The following STAT5B variants were observed in gnomAD, a reference collection of about 807,000 sequenced individuals.
STAT5B encodes the protein signal transducer and activator of transcription 5B, also known as transcription factor STAT5B.
In STAT5B, 21 loss-of-function variants were observed where a neutral mutation model predicts 107.8. That is an observed-to-expected ratio of 0.19 (90% CI 0.14 to 0.28). STAT5B has a LOEUF of 0.28. STAT5B is among the 10% of genes least tolerant of loss of function. The pLI is 1.00. For missense variants in STAT5B, 565 were observed against 1,008.2 expected, an observed-to-expected ratio of 0.56 and a Z score of 5.95; for synonymous variants, 325 against 401.7, an observed-to-expected ratio of 0.81 and a Z score of 2.28.
chr17:42,239,885 G>A (rs1191032450), intron 1 of STAT5B, among the ~76,000 whole-genome samples: 2 of 152,212 alleles, frequency 1.3e-5, no homozygotes, highest in African/African-American at 2.4e-5. Flanking sequence ...CAGCACTTTG[G>A]GACGCTGAGG....
chr17:42,208,493 AAAATAAATAAATAAAT>A (rs777760506), intron 15 of STAT5B, among the ~76,000 whole-genome samples: 1 of 151,568 alleles, frequency 6.6e-6, no homozygotes, highest in Non-Finnish European at 1.5e-5. Flanking sequence ...CCCCATCTCA[AAAATAAATAAATAAAT>A]AAATAAATAA....
chr17:42,218,300 C>T lies in STAT5B; in HGVS notation c.1020G>A (p.Gln340=), dbSNP rs1273693154. Residue 340 remains glutamine, a synonymous_variant, in exon 9 of 19, where the codon CAG becomes CAA. Transcript: ENST00000293328. The part of the protein sequence containing the change: ...STFIIEKQPP[Q]VLKTQTKFAA... ...CAAACTTGGTCTGGGTCTTCAGGAC[C>T]TGAGGAGGCTGCTTCTCAATGATGA... 2 of 1,613,816 alleles carry T rather than the reference C, an allele frequency of 1.2e-6. No homozygotes were observed. The highest frequency in any genetic ancestry group is 1.7e-6 in the Non-Finnish European group (2 of 1,179,970).
At chr17:42,250,882 C>G (rs551419052) in intron 1 of STAT5B, among the ~76,000 whole-genome samples, 57 of 150,340 alleles carry the variant, frequency 3.8e-4, no homozygotes, top group South Asian at 2.5e-3. Context: ...GGAGATCATG[C>G]CACTGCACTC....
rs769730435 is a variant in STAT5B, at chr17:42,200,452, C to T, written c.*1286G>A. The T allele has an allele frequency of 3.9e-5, 6 of 152,680 alleles. No homozygotes were observed. The highest frequency in any genetic ancestry group is 8.8e-5 in the Non-Finnish European group (6 of 68,038). The allele number at this position is 152,680 out of a possible 1,614,324, so 9.5% of individuals were successfully genotyped here. On this transcript the variant is annotated 3_prime_UTR_variant, in exon 19 of 19. Coordinates refer to ENST00000293328, the MANE Select transcript of STAT5B (RefSeq NM_012448.4). ...GAAGAAGTCGTGGAACAAAATTATA[C>T]CGAGGCTTTTTTTGTTTTGTTTTAT...
intron 1 of STAT5B, among the ~76,000 whole-genome samples, chr17:42,232,354 T>C (rs1427833385): frequency 6.6e-6 from 1 of 152,114 alleles, no homozygotes; most frequent in African/African-American, 2.4e-5. Flanking sequence ...GTTCAAATGA[T>C]TCTCCTGTCT....
chr17:42,212,341 G>A (rs1425553823), intron 12 of STAT5B, 151 bp from the exon 13 acceptor site: 7 of 1,327,630 alleles, frequency 5.3e-6, no homozygotes, highest in South Asian at 4.1e-5. Flanking sequence ...TGGGGTACAC[G>A]GTTCTGTGAA....
At chr17:42,276,600 G>GCGGTGC (rs1223135929), upstream of STAT5B, 1 of 151,388 alleles carries the variant, frequency 6.6e-6, no homozygotes, top group Non-Finnish European at 1.5e-5. This position sits in a 1 kb window ranked among gnomAD's most constrained non-coding sequence, Gnocchi z 4.8. Context: ...GGCGCGCTCG[G>GCGGTGC]CGGTGCCGGT....
At chr17:42,262,881 CACATAT>C (rs1215180652) in intron 1 of STAT5B, among the ~76,000 whole-genome samples, 1 of 102,390 alleles carries the variant, frequency 9.8e-6, no homozygotes, top group East Asian at 2.6e-4. Context: ...TGTATATATA[CACATAT>C]ATATGTGTGT....
chr17:42,216,253 GAAT>G lies in STAT5B; in HGVS notation c.1381-150_1381-148del, dbSNP rs145748789. On this transcript the variant is annotated intron_variant, in intron 11 of 18. Transcript: ENST00000293328. The stretch of plus-strand genomic sequence containing the variant: ...AGACACAGAATCTAAATGGCCCCAG[GAAT>G]AATATGACTTTTCATACTGGCACAA... The G allele has an allele frequency of 4.4e-3, 3,042 of 695,176 alleles. 81 individuals carry two copies. In the African/African-American group the frequency reaches 0.049, roughly 11 times the overall value. 43.1% of individuals were successfully genotyped at this position (695,176 alleles called of 1,614,324 possible).
chr17:42,211,996 G>C lies in STAT5B; in HGVS notation c.1668C>G (p.Ser556=). 9 of 1,612,428 alleles carry C rather than the reference G, an allele frequency of 5.6e-6. No individual in the cohort carries two copies. The highest frequency in any genetic ancestry group is 7.6e-6 in the Non-Finnish European group (9 of 1,179,274). The change falls in exon 13 of 19, where the codon TCC becomes TCG. Residue 556 remains serine (S), a synonymous_variant. Coordinates refer to ENST00000293328, the MANE Select transcript of STAT5B (RefSeq NM_012448.4). ...EDYSGLSVSW[S]QFNRENLPGR... is the part of the protein sequence containing the mutation. ...CTGGGCTCCTCACCCTGTTGAACTG[G>C]GACCAGGACACAGACAGGCCACTGT...
At chr17:42,274,407 T>A (rs1285400456) in intron 1 of STAT5B, among the ~76,000 whole-genome samples, 1 of 151,950 alleles carries the variant, frequency 6.6e-6, no homozygotes, top group Non-Finnish European at 1.5e-5. Flanking sequence ...CGCGCTTACC[T>A]GACCCAAGGT....
intron 13 of STAT5B, among the ~76,000 whole-genome samples, chr17:42,210,928 T>C (rs536131119): frequency 5.3e-5 from 8 of 152,308 alleles, no homozygotes; most frequent in African/African-American, 1.4e-4. Flanking sequence ...TAGCCGGGCA[T>C]GGTGGCTCAC....
At chr17:42,257,185 ATACTT>A (rs2080553329) in intron 1 of STAT5B, among the ~76,000 whole-genome samples, 1 of 152,198 alleles carries the variant, frequency 6.6e-6, no homozygotes, top group South Asian at 2.1e-4. Context: ...GTAATATTAA[ATACTT>A]TAAAGTTTAA....
At chr17:42,253,101 G>A (rs924626959) in intron 1 of STAT5B, among the ~76,000 whole-genome samples, 2 of 147,752 alleles carry the variant, frequency 1.4e-5, no homozygotes, top group Admixed American at 6.7e-5. Context: ...TCTGATAGAC[G>A]TTGAACCTTT....
chr17:42,212,654 G>A (rs2080139184), intron 12 of STAT5B, among the ~76,000 whole-genome samples: 1 of 152,220 alleles, frequency 6.6e-6, no homozygotes, highest in South Asian at 2.1e-4. Flanking sequence ...CTAGCTCAAA[G>A]TAAAACAACT....
At chr17:42,249,933 A>T (rs1357739113) in intron 1 of STAT5B, among the ~76,000 whole-genome samples, 1 of 152,190 alleles carries the variant, frequency 6.6e-6, no homozygotes, top group African/African-American at 2.4e-5. Context: ...AAGTGCTGGG[A>T]TGACAGGCGT....
Position 42,218,264 on chromosome 17 carries a change from C to T in STAT5B, c.1056G>A (p.Val352=), listed in dbSNP as rs768467135. 89 of 1,614,022 alleles carry T rather than the reference C, an allele frequency of 5.5e-5. No homozygotes were observed. The highest frequency in any genetic ancestry group is 7.1e-5 in the Non-Finnish European group (84 of 1,180,024). ...LKTQTKFAAT[V]RLLVGGKLNV... ...TCAGCTTCCCGCCCACCAGCAGGCG[C>T]ACAGTGGCTGCAAACTTGGTCTGGG... Residue 352 remains valine, a synonymous_variant, in exon 9 of 19, where the codon GTG becomes GTA. Coordinates refer to ENST00000293328, the MANE Select transcript of STAT5B (RefSeq NM_012448.4).
chr17:42,209,600 C>A (rs994690114), intron 15 of STAT5B, among the ~76,000 whole-genome samples: 1 of 152,058 alleles, frequency 6.6e-6, no homozygotes, highest in Non-Finnish European at 1.5e-5. Flanking sequence ...CCCAGCTAAT[C>A]GGGAGGCTAA....
At chr17:42,203,912 C>T (rs1473098148) in intron 16 of STAT5B, among the ~76,000 whole-genome samples, 1 of 151,954 alleles carries the variant, frequency 6.6e-6, no homozygotes, top group Non-Finnish European at 1.5e-5. Flanking sequence ...CAGGTGTGAG[C>T]CACGGTGCCT....
Sources: gnomAD v4.1 joint callset for allele counts (sites outside exome capture counted in the v4.1 genomes callset) on GRCh38, gnomAD v4.1.1 for gene constraint, Gnocchi (gnomAD v3.1) non-coding constraint, MANE v1.5 for transcripts, NCBI Gene and HGNC (gene_info 2026-07-23, HGNC 2026-07-21) for gene names.